The following HNF4G variants were observed in gnomAD, a reference collection of about 807,000 sequenced individuals.
HNF4G encodes the protein hepatocyte nuclear factor 4-gamma.
HNF4G carries 21 observed loss-of-function variants against 50.9 expected under a neutral mutation model. The observed-to-expected ratio is 0.41, with a 90% CI of 0.29 to 0.59. The LOEUF is 0.59. Among genes scored for constraint, HNF4G ranks in the 20% least tolerant of loss-of-function variants. The pLI is 0.26. For synonymous variants in HNF4G, 198 were observed against 185.6 expected, an observed-to-expected ratio of 1.07 and a Z score of -0.54; for missense variants, 527 against 559.4, an observed-to-expected ratio of 0.94 and a Z score of 0.58.
intron 1 of HNF4G, among the ~76,000 whole-genome samples, chr8:75,542,808 TTAGA>T (rs1312343871): frequency 2.0e-5 from 3 of 152,126 alleles, no homozygotes; most frequent in Admixed American, 2.0e-4. Flanking sequence ...AGGAAAGAAC[TTAGA>T]TAGCAGGCTG....
chr8:75,529,057 C>T (rs770706030), intron 2 of HNF4G, among the ~76,000 whole-genome samples: 1 of 151,984 alleles, frequency 6.6e-6, no homozygotes, highest in South Asian at 2.1e-4. Context: ...GAGGCCGAGA[C>T]GGACGGTTCA....
chr8:75,507,747 A>T (rs186479960), intron 2 of HNF4G, among the ~76,000 whole-genome samples: 1 of 152,330 alleles, frequency 6.6e-6, no homozygotes, highest in Non-Finnish European at 1.5e-5. Context: ...AAAAGAATTA[A>T]TTCATCAAAA....
At chr8:75,446,935 A>T (rs36173539) in intron 1 of HNF4G, among the ~76,000 whole-genome samples, 1 of 134,546 alleles carries the variant, frequency 7.4e-6, no homozygotes, top group Admixed American at 7.5e-5. Context: ...AAACTACTTT[A>T]AAGTTCATAT....
At chr8:75,497,465 C>G (rs1812801052) in intron 2 of HNF4G, among the ~76,000 whole-genome samples, 1 of 152,130 alleles carries the variant, frequency 6.6e-6, no homozygotes, top group Non-Finnish European at 1.5e-5. Flanking sequence ...GCGGGCAGAT[C>G]ACGAGGTCAG....
At chr8:75,549,563 T>A (rs13260571) in intron 3 of HNF4G, among the ~76,000 whole-genome samples, 1 of 151,262 alleles carries the variant, frequency 6.6e-6, no homozygotes, top group African/African-American at 2.4e-5. Flanking sequence ...TTTTTTTTTT[T>A]CACAAAGAAG....
chr8:75,487,039 A>G (rs1296240512), intron 1 of HNF4G, among the ~76,000 whole-genome samples: 1 of 93,050 alleles, frequency 1.1e-5, no homozygotes, highest in East Asian at 3.3e-4. Context: ...AGGTAATGTT[A>G]AATCCCACTT....
At chr8:75,550,700 CTT>C (rs34842850) in intron 3 of HNF4G, among the ~76,000 whole-genome samples, 150 of 147,620 alleles carry the variant, frequency 1.0e-3, no homozygotes, top group Non-Finnish European at 8.8e-4. Context: ...TTACATTACT[CTT>C]TTTTTTTTTT....
intron 1 of HNF4G, among the ~76,000 whole-genome samples, chr8:75,463,249 T>C (rs2130611765): frequency 6.6e-6 from 1 of 152,250 alleles, no homozygotes; most frequent in East Asian, 1.9e-4. Context: ...TGCATTAGCC[T>C]TTTAAAAATC....
chr8:75,536,844 T>C (rs933925696), upstream of HNF4G, among the ~76,000 whole-genome samples: 1 of 151,986 alleles, frequency 6.6e-6, no homozygotes, highest in Non-Finnish European at 1.5e-5. Flanking sequence ...TTCTTTCTCA[T>C]CCACCCTCTT....
chr8:75,417,853 T>C (rs922882007), intron 1 of HNF4G, among the ~76,000 whole-genome samples: 5 of 152,130 alleles, frequency 3.3e-5, no homozygotes, highest in African/African-American at 1.2e-4. Flanking sequence ...AAAATGATAA[T>C]AGTCACATAT....
At chr8:75,518,366 C>T (rs921239702) in intron 2 of HNF4G, among the ~76,000 whole-genome samples, 1 of 151,984 alleles carries the variant, frequency 6.6e-6, no homozygotes, top group Non-Finnish European at 1.5e-5. Flanking sequence ...AATAGGAACA[C>T]TTTTACACTG....
intron 1 of HNF4G, among the ~76,000 whole-genome samples, chr8:75,441,527 G>A (rs1585845758): frequency 6.6e-6 from 1 of 152,120 alleles, no homozygotes; most frequent in South Asian, 2.1e-4. Flanking sequence ...TTACAGATGT[G>A]AGCCACCATG....
rs759255543 is a variant in HNF4G at position 75,540,055 on chromosome 8, T to C, written c.93T>C (p.Thr31=). Residue 31 remains threonine (T), a synonymous_variant, in exon 1 of 10, where the codon ACT becomes ACC. Transcript: ENST00000396423. ...DPTYTTLEFE[T]MQILYNSSDS... is the part of the protein sequence containing the mutation. ...CTTACACAACTTTGGAGTTTGAAACTATGCAGATTCTATATAATTCAAGTG... is the reference window on the plus strand; with the variant it reads ...CTTACACAACTTTGGAGTTTGAAACCATGCAGATTCTATATAATTCAAGTG... 4 of 1,594,480 alleles carry C rather than the reference T, an allele frequency of 2.5e-6. No homozygotes were observed. In the Admixed American group the frequency reaches 5.0e-5, roughly 20 times the overall value.
chr8:75,478,707 G>T (rs1247093390), intron 1 of HNF4G, among the ~76,000 whole-genome samples: 1 of 151,938 alleles, frequency 6.6e-6, no homozygotes, highest in African/African-American at 2.4e-5. Context: ...AGATAGCTAC[G>T]CATCTTTTCT....
chr8:75,509,274 T>C (rs1805686138), intron 2 of HNF4G, among the ~76,000 whole-genome samples: 1 of 152,160 alleles, frequency 6.6e-6, no homozygotes, highest in Admixed American at 6.6e-5. Context: ...AGCTAAGGAC[T>C]GAGCCAACAT....
intron 2 of HNF4G, among the ~76,000 whole-genome samples, chr8:75,504,280 AAAC>A (rs1813014842): frequency 1.4e-5 from 2 of 145,616 alleles, no homozygotes; most frequent in South Asian, 4.4e-4. Flanking sequence ...CACACACCAA[AAAC>A]AACAACAAAA....
chr8:75,512,766 C>T (rs1180709711), intron 2 of HNF4G, among the ~76,000 whole-genome samples: 1 of 151,970 alleles, frequency 6.6e-6, no homozygotes, highest in Non-Finnish European at 1.5e-5. Flanking sequence ...GCCCGGTCAA[C>T]ATCTTTATTA....
chr8:75,448,411 C>T (rs1396025051), intron 1 of HNF4G, among the ~76,000 whole-genome samples: 1 of 99,138 alleles, frequency 1.0e-5, no homozygotes, highest in Non-Finnish European at 1.9e-5. Context: ...CACATGTACC[C>T]TAAAACTTAA....
intron 2 of HNF4G, among the ~76,000 whole-genome samples, chr8:75,532,480 A>G (rs943664206): frequency 6.6e-6 from 1 of 152,098 alleles, no homozygotes; most frequent in Non-Finnish European, 1.5e-5. Context: ...AATTATATTT[A>G]TGTGGGCACC....
Sources: gnomAD v4.1 joint callset for allele counts (sites outside exome capture counted in the v4.1 genomes callset) on GRCh38, gnomAD v4.1.1 for gene constraint, MANE v1.5 for transcripts, NCBI Gene and HGNC (gene_info 2026-07-23, HGNC 2026-07-21) for gene names.